ADAMTS3: variants seen among roughly 807,000 people sequenced by gnomAD.
ADAMTS3 encodes A disintegrin and metalloproteinase with thrombospondin motifs 3.
Under a neutral mutation model 129.0 loss-of-function variants are expected in ADAMTS3, and 73 were observed. The ratio of observed to expected loss-of-function variants is 0.57; its 90% CI spans 0.47 to 0.69. The LOEUF is 0.69. ADAMTS3 is among the 30% of genes least tolerant of loss of function. The pLI is 0.00. For missense variants in ADAMTS3, 1,457 were observed against 1,514.5 expected (o/e 0.96, Z 0.63); for synonymous variants, 477 against 510.8 (o/e 0.93, Z 0.89).
intron 3 of ADAMTS3, among the ~76,000 whole-genome samples, chr4:72,505,661 C>T (rs893088840): frequency 1.3e-5 from 2 of 152,202 alleles, no homozygotes; most frequent in African/African-American, 4.8e-5. Flanking sequence ...TGGGCAGCCA[C>T]CAAGTACCCA....
At chr4:72,558,477 C>T (rs1224620464) in intron 2 of ADAMTS3, among the ~76,000 whole-genome samples, 1 of 151,662 alleles carries the variant, frequency 6.6e-6, no homozygotes, top group African/African-American at 2.4e-5. Flanking sequence ...AAGACTCCTA[C>T]CCTGATAATC....
At chr4:72,442,198 C>T (rs1310396219) in intron 3 of ADAMTS3, 1 of 151,804 alleles carries the variant, frequency 6.6e-6, no homozygotes, top group Non-Finnish European at 1.5e-5. Flanking sequence ...GAGTGTCTCA[C>T]AGGTGTGATG....
rs1463713849 is a variant in ADAMTS3 at position 72,320,756 on chromosome 4, T to G, written c.1060A>C (p.Ile354Leu). 36 of 1,613,886 alleles carry G rather than the reference T, an allele frequency of 2.2e-5. No homozygotes were observed. Among genetic ancestry groups the G allele is most frequent in the Non-Finnish European group, 3.1e-5 (36 of 1,179,860 alleles). ...LNHSEHHDHA[I>L]FLTRQDFGPA... ...CCAAAGTCTTGCCTGGTTAAAAAAA[T>G]TGCATGGTCATGGTGTTCAGAGTGG... is the stretch of plus-strand genomic sequence containing the variant. The change falls in exon 7 of 22, where the codon ATT becomes CTT. Residue 354 changes from isoleucine (I) to leucine (L), a missense_variant. Transcript: ENST00000286657.
At chr4:72,377,188 T>C (rs536702259) in intron 4 of ADAMTS3, among the ~76,000 whole-genome samples, 3 of 152,250 alleles carry the variant, frequency 2.0e-5, no homozygotes, top group South Asian at 4.2e-4. Context: ...TGTATTCTGA[T>C]TGTTGTGTGT....
intron 4 of ADAMTS3, among the ~76,000 whole-genome samples, chr4:72,400,062 G>A (rs1266525063): frequency 1.6e-4 from 3 of 18,234 alleles, no homozygotes; most frequent in Non-Finnish European, 3.0e-4. Flanking sequence ...GTATATACGT[G>A]TGTATATATG....
intron 3 of ADAMTS3, among the ~76,000 whole-genome samples, chr4:72,429,949 G>A (rs143177788): frequency 2.6e-5 from 4 of 152,074 alleles, no homozygotes; most frequent in African/African-American, 9.6e-5. Flanking sequence ...GATTCAGCAG[G>A]CTAAGATTCA....
intron 4 of ADAMTS3, among the ~76,000 whole-genome samples, chr4:72,379,027 C>T (rs1358285411): frequency 2.0e-5 from 3 of 152,132 alleles, no homozygotes; most frequent in African/African-American, 7.2e-5. Flanking sequence ...CTGAACAGTT[C>T]CCAACATGGC....
At chr4:72,290,025 C>T (rs1718615101) in intron 20 of ADAMTS3, among the ~76,000 whole-genome samples, 1 of 152,124 alleles carries the variant, frequency 6.6e-6, no homozygotes, top group Non-Finnish European at 1.5e-5. Context: ...ATGCCCTTTC[C>T]TCCTATAAAC....
chr4:72,372,280 A>T (rs1239649893), intron 4 of ADAMTS3, among the ~76,000 whole-genome samples: 1 of 152,152 alleles, frequency 6.6e-6, no homozygotes, highest in Non-Finnish European at 1.5e-5. Context: ...GAATAAAAAA[A>T]ATCAGTGCTG....
chr4:72,481,509 C>T (rs765289766), intron 3 of ADAMTS3, among the ~76,000 whole-genome samples: 13 of 152,178 alleles, frequency 8.5e-5, no homozygotes, highest in Middle Eastern at 3.4e-3. Context: ...AAAGAATAGC[C>T]TTGGACCTAA....
In ADAMTS3 at chr4:72,312,290, C is replaced by A; in HGVS notation, c.1921+1G>T. 6.2e-7 allele frequency: 1 copy of A among 1,613,314 alleles called. No individual in the cohort carries two copies. Among genetic ancestry groups the A allele is most frequent in the East Asian group, 2.2e-5 (1 of 44,834 alleles). ...AGGAAGGAGAGCACGAGGCTACTCA[C>A]GGTCAGGATGTTCATATGGCAACCA... On this transcript the variant is annotated splice_donor_variant, in intron 13 of 21. Coordinates refer to ENST00000286657, the MANE Select transcript of ADAMTS3 (RefSeq NM_014243.3). LOFTEE classifies it high-confidence loss of function.
intron 4 of ADAMTS3, among the ~76,000 whole-genome samples, chr4:72,374,033 C>T (rs1035395220): frequency 2.0e-5 from 3 of 151,720 alleles, no homozygotes; most frequent in African/African-American, 7.3e-5. Flanking sequence ...TTATGTGAGG[C>T]ACTCATGAAT....
At chr4:72,558,913 A>G (rs1436725011) in intron 2 of ADAMTS3, among the ~76,000 whole-genome samples, 1 of 151,784 alleles carries the variant, frequency 6.6e-6, no homozygotes, top group East Asian at 1.9e-4. Context: ...CAGGAAATGT[A>G]CTGGAACTGT....
At chr4:72,561,897 C>A (rs1179630037) in intron 2 of ADAMTS3, among the ~76,000 whole-genome samples, 1 of 152,174 alleles carries the variant, frequency 6.6e-6, no homozygotes, top group Non-Finnish European at 1.5e-5. Context: ...CACAAAATTT[C>A]TCCTAGGGAT....
intron 17 of ADAMTS3, among the ~76,000 whole-genome samples, chr4:72,300,704 C>T (rs769888862): frequency 6.6e-6 from 1 of 152,096 alleles, no homozygotes; most frequent in Non-Finnish European, 1.5e-5. Context: ...AATTCCGTCT[C>T]GGTTTCACTG....
intron 4 of ADAMTS3, among the ~76,000 whole-genome samples, chr4:72,381,265 C>T (rs1445082986): frequency 6.6e-6 from 1 of 151,974 alleles, no homozygotes; most frequent in African/African-American, 2.4e-5. Flanking sequence ...AACAAATAAC[C>T]TTTTTTTATT....
chr4:72,355,726 C>T (rs1444400471), intron 4 of ADAMTS3, among the ~76,000 whole-genome samples: 3 of 152,016 alleles, frequency 2.0e-5, no homozygotes, highest in African/African-American at 7.2e-5. Flanking sequence ...TGGTCTTACA[C>T]TTTTCCCAGC....
chr4:72,417,932 C>CAAAAAAAAAAAAAAAAA (rs71215429), intron 3 of ADAMTS3, among the ~76,000 whole-genome samples: 1 of 120,306 alleles, frequency 8.3e-6, no homozygotes, highest in Non-Finnish European at 1.7e-5. Flanking sequence ...GACTCCATCT[C>CAAAAAAAAAAAAAAAAA]AAAAAAAAAA....
intron 3 of ADAMTS3, among the ~76,000 whole-genome samples, chr4:72,469,314 C>T (rs12503973): frequency 0.63 from 96,400 of 151,844 alleles, 31,046 homozygotes; most frequent in South Asian, 0.79. Flanking sequence ...GGTTGGAGTT[C>T]TACCTATAGA....
Sources: gnomAD v4.1 joint callset for allele counts (sites outside exome capture counted in the v4.1 genomes callset) on GRCh38, gnomAD v4.1.1 for gene constraint, MANE v1.5 for transcripts, NCBI Gene and HGNC (gene_info 2026-07-23, HGNC 2026-07-21) for gene names.